INSL6: variants seen among roughly 807,000 people sequenced by gnomAD.
The protein encoded by INSL6 is insulin like 6.
Under a neutral mutation model 9.4 loss-of-function variants are expected in INSL6, and 16 were observed. The ratio of observed to expected loss-of-function variants is 1.70; its 90% CI spans 1.15 to 2.59. The LOEUF (loss-of-function observed/expected upper bound fraction) is 2.59. INSL6 is among the 30% of genes most tolerant of loss of function. The pLI is 0.00. For synonymous variants in INSL6, 154 were observed against 96.9 expected, an observed-to-expected ratio of 1.59 and a Z score of -3.46; for missense variants, 391 against 257.3, an observed-to-expected ratio of 1.52 and a Z score of -3.56.
intron 3 of INSL6, among the ~76,000 whole-genome samples, chr9:5,131,136 G>GA (rs1177282911): frequency 1.3e-5 from 2 of 152,270 alleles, no homozygotes; most frequent in Non-Finnish European, 2.9e-5. Flanking sequence ...AAAGCAAATG[G>GA]AAAGATAAAC....
chr9:5,067,577 G>A, the INSL6 span, among the ~76,000 whole-genome samples: 1 of 151,660 alleles, frequency 6.6e-6, no homozygotes, highest in Non-Finnish European at 1.5e-5. Context: ...GTGTAAAACT[G>A]GTAATCTATC....
At chr9:5,122,993 T>C, downstream of INSL6, 2 of 1,559,480 alleles carry the variant, frequency 1.3e-6, no homozygotes, top group Non-Finnish European at 1.8e-6. Flanking sequence ...ATGTTATTCA[T>C]ATATTTACAG....
intron 3 of INSL6, among the ~76,000 whole-genome samples, chr9:5,130,819 C>G (rs917402861): frequency 6.6e-6 from 1 of 151,390 alleles, no homozygotes; most frequent in African/African-American, 2.4e-5. Flanking sequence ...AGCTCCGCCT[C>G]CCGGGTTCAT....
chr9:5,090,671 T>C, the INSL6 span: 7 of 1,520,580 alleles, frequency 4.6e-6, no homozygotes, highest in Non-Finnish European at 6.2e-6. Context: ...AGGGAATATA[T>C]AGGGTTAAGA....
chr9:5,064,169 A>G, the INSL6 span, among the ~76,000 whole-genome samples: 3 of 152,014 alleles, frequency 2.0e-5, no homozygotes, highest in African/African-American at 7.2e-5. Context: ...GGGGGCCACA[A>G]AAAAATCATA....
At chr9:5,145,944 T>A (rs1424557165) in intron 2 of INSL6, among the ~76,000 whole-genome samples, 1 of 152,190 alleles carries the variant, frequency 6.6e-6, no homozygotes, top group Non-Finnish European at 1.5e-5. Flanking sequence ...TCTACTTCTG[T>A]CATTTCAGCC....
chr9:5,165,416 T>A (rs546332558), intron 1 of INSL6, among the ~76,000 whole-genome samples: 3 of 152,210 alleles, frequency 2.0e-5, no homozygotes, highest in African/African-American at 7.2e-5. Flanking sequence ...GAGTTCCAAT[T>A]TTCCCACATC....
chr9:5,113,115 G>C, the INSL6 span, among the ~76,000 whole-genome samples: 1 of 149,722 alleles, frequency 6.7e-6, no homozygotes, highest in South Asian at 2.1e-4. Flanking sequence ...CCGTATCTCA[G>C]CCACCATGTC....
the INSL6 span, chr9:5,110,766 T>A: frequency 5.1e-6 from 2 of 388,370 alleles, no homozygotes; most frequent in South Asian, 4.1e-5. Context: ...GGACTGGCCA[T>A]GCAGGAGTGG....
chr9:5,118,629 A>C, the INSL6 span, among the ~76,000 whole-genome samples: 1 of 152,212 alleles, frequency 6.6e-6, no homozygotes, highest in Non-Finnish European at 1.5e-5. Flanking sequence ...ATTAAGCATA[A>C]ATTCTGTGTT....
the INSL6 span, among the ~76,000 whole-genome samples, chr9:5,089,099 C>T: frequency 1.3e-5 from 2 of 152,226 alleles, no homozygotes; most frequent in Non-Finnish European, 2.9e-5. Context: ...ACAATTAATG[C>T]TCATCATTTA....
chr9:5,020,809 G>T, the INSL6 span, among the ~76,000 whole-genome samples: 5 of 152,172 alleles, frequency 3.3e-5, no homozygotes, highest in African/African-American at 9.7e-5. Context: ...GGAGGTGACT[G>T]TCGGTGGAGG....
chr9:5,137,812 T>C (rs1041242363), intron 2 of INSL6, among the ~76,000 whole-genome samples: 8 of 151,974 alleles, frequency 5.3e-5, no homozygotes, highest in Non-Finnish European at 1.5e-5. Flanking sequence ...ACCTACATAA[T>C]GGGAAAAAAT....
intron 2 of INSL6, among the ~76,000 whole-genome samples, chr9:5,137,830 A>G (rs1824415127): frequency 6.6e-6 from 1 of 152,212 alleles, no homozygotes. Context: ...AATTTTTGCA[A>G]TCTACCCATC....
At chr9:5,060,866 T>C in the INSL6 span, among the ~76,000 whole-genome samples, 452 of 152,344 alleles carry the variant, frequency 3.0e-3, 1 homozygote, top group African/African-American at 0.01. Flanking sequence ...CCTTACAAAA[T>C]GTATTTCTTA....
intron 2 of INSL6, among the ~76,000 whole-genome samples, chr9:5,157,273 A>C (rs943936554): frequency 1.3e-5 from 2 of 152,176 alleles, no homozygotes; most frequent in African/African-American, 4.8e-5. Context: ...GAAAATACAA[A>C]GGCTCAACAA....
chr9:5,042,347 C>CA, the INSL6 span, among the ~76,000 whole-genome samples: 1 of 151,536 alleles, frequency 6.6e-6, no homozygotes, highest in Admixed American at 6.6e-5. Context: ...CCTTGTTAGC[C>CA]AGGATGGTCT....
At chr9:5,054,411 G>T in the INSL6 span, 1 of 594,692 alleles carries the variant, frequency 1.7e-6, no homozygotes, top group African/African-American at 1.9e-5. This position sits in a 1 kb window ranked among gnomAD's most constrained non-coding sequence, Gnocchi z 4.9. Context: ...ATACTGTATG[G>T]ATGGGGGTTA....
the INSL6 span, among the ~76,000 whole-genome samples, chr9:4,998,723 ACCAAAAACC>A: frequency 6.8e-6 from 1 of 148,136 alleles, no homozygotes; most frequent in Non-Finnish European, 1.5e-5. Flanking sequence ...ATCTCCTAAG[ACCAAAAACC>A]ACAAAAAACA....
Sources: allele counts gnomAD v4.1 joint callset (sites outside exome capture counted in the v4.1 genomes callset), GRCh38; gene constraint gnomAD v4.1.1; non-coding constraint Gnocchi (gnomAD v3.1); transcripts MANE v1.5; gene names NCBI Gene and HGNC (gene_info 2026-07-23, HGNC 2026-07-21).